The following RBFOX1 variants were observed in gnomAD, a reference collection of about 807,000 sequenced individuals.
RBFOX1 encodes the protein RNA binding protein fox-1 homolog 1.
A neutral mutation model predicts 57.7 loss-of-function variants in RBFOX1; 8 were observed. That is an observed-to-expected ratio of 0.14 (90% CI 0.08 to 0.25). The LOEUF (loss-of-function observed/expected upper bound fraction) is 0.25, where lower values mean the gene tolerates loss of function less well. Among genes scored for constraint, RBFOX1 ranks in the 10% least tolerant of loss-of-function variants. The pLI is 1.00. For synonymous variants in RBFOX1, 326 were observed against 222.4 expected, an observed-to-expected ratio of 1.47 and a Z score of -4.15; for missense variants, 611 against 548.5, an observed-to-expected ratio of 1.11 and a Z score of -1.14.
chr16:7,361,490 C>T (rs1455423121), intron 4 of RBFOX1, among the ~76,000 whole-genome samples: 1 of 152,182 alleles, frequency 6.6e-6, no homozygotes, highest in Non-Finnish European at 1.5e-5. Context: ...TTGACACCCT[C>T]CTAGTCCGTG....
intron 4 of RBFOX1, among the ~76,000 whole-genome samples, chr16:7,059,207 C>G (rs1037626026): frequency 2.6e-5 from 4 of 152,260 alleles, no homozygotes; most frequent in Middle Eastern, 3.4e-3. Flanking sequence ...GTGTCTCACC[C>G]CTCTCCACTT....
chr16:6,408,037 T>A (rs9926223), intron 2 of RBFOX1, among the ~76,000 whole-genome samples: 2 of 151,810 alleles, frequency 1.3e-5, no homozygotes, highest in African/African-American at 4.8e-5. Context: ...GAAGCTTGTT[T>A]ACCCCTCCCA....
intron 14 of RBFOX1, among the ~76,000 whole-genome samples, chr16:7,688,260 T>TGTGAGAGAGAGAGAGA (rs1319185243): frequency 1.6e-5 from 2 of 125,388 alleles, no homozygotes; most frequent in African/African-American, 5.9e-5. Context: ...TGTGTGTGTG[T>TGTGAGAGAGAGAGAGA]GAGAGAGAGA....
chr16:7,061,909 A>G (rs1388926579), intron 4 of RBFOX1, among the ~76,000 whole-genome samples: 1 of 152,122 alleles, frequency 6.6e-6, no homozygotes, highest in Admixed American at 6.5e-5. Context: ...TAAATAGGGC[A>G]TCTCTAGTTC....
At chr16:7,238,043 A>G (rs191881523) in intron 4 of RBFOX1, among the ~76,000 whole-genome samples, 2 of 152,362 alleles carry the variant, frequency 1.3e-5, no homozygotes, top group Middle Eastern at 3.4e-3. Context: ...TACAACATAG[A>G]TGAACCTTGA....
chr16:5,963,104 G>A (rs896525618), intron 4 of RBFOX1, among the ~76,000 whole-genome samples: 4 of 152,184 alleles, frequency 2.6e-5, no homozygotes, highest in African/African-American at 9.7e-5. Context: ...ATGTGTATAA[G>A]ATAAACTGTA....
chr16:7,637,790 C>T lies in RBFOX1; in HGVS notation c.757+7107C>T, dbSNP rs189265827. 2.3e-3 allele frequency among the ~76,000 whole-genome samples: 346 copies of T among 152,086 alleles called. 1 individual carries two copies. The highest frequency in any genetic ancestry group is 7.0e-3 in the African/African-American group (291 of 41,480). On this transcript the variant is annotated intron_variant, in intron 11 of 15. Transcript: ENST00000550418. ...GGGGGTGCTTAACAATAACTAGCTC[C>T]GGGACTAGGGTAAGCAAGTGACGTG...
At chr16:7,378,360 G>C (rs1385410876) in intron 4 of RBFOX1, among the ~76,000 whole-genome samples, 1 of 152,130 alleles carries the variant, frequency 6.6e-6, no homozygotes, top group Non-Finnish European at 1.5e-5. Context: ...GTATGTGTTT[G>C]CTAGCGAGAC....
At chr16:6,099,157 T>C (rs1219093210) in intron 1 of RBFOX1, among the ~76,000 whole-genome samples, 1 of 152,182 alleles carries the variant, frequency 6.6e-6, no homozygotes, top group Non-Finnish European at 1.5e-5. Flanking sequence ...TAGGCAGCAC[T>C]CACCTGGGGG....
At chr16:6,995,464 CAGAAG>C (rs1568281329) in intron 3 of RBFOX1, among the ~76,000 whole-genome samples, 1 of 152,022 alleles carries the variant, frequency 6.6e-6, no homozygotes, top group Non-Finnish European at 1.5e-5. Context: ...CTGGTGGTGA[CAGAAG>C]AGGAAGGCTT....
At chr16:5,600,567 C>T (rs2047334421), downstream of RBFOX1, among the ~76,000 whole-genome samples, 1 of 151,804 alleles carries the variant, frequency 6.6e-6, no homozygotes, top group African/African-American at 2.4e-5. Flanking sequence ...ATGTTCCCTC[C>T]TCTTTATGCA....
chr16:7,126,770 C>G (rs993637539), intron 4 of RBFOX1: 2 of 152,060 alleles, frequency 1.3e-5, no homozygotes, highest in African/African-American at 4.8e-5. Context: ...GGGCAGATCA[C>G]CTGAGGTTGG....
chr16:7,556,792 T>C (rs1462356648), intron 5 of RBFOX1, among the ~76,000 whole-genome samples: 17 of 152,246 alleles, frequency 1.1e-4, no homozygotes, highest in Admixed American at 1.0e-3. Context: ...GTATAACCCA[T>C]GTGCAATGGT....
chr16:7,172,378 C>T (rs1474193353), intron 4 of RBFOX1, among the ~76,000 whole-genome samples: 1 of 152,078 alleles, frequency 6.6e-6, no homozygotes, highest in Admixed American at 6.6e-5. Context: ...GTAAATCTTC[C>T]CACTAGTGTG....
Position 6,981,042 on chromosome 16 carries a change from C to CAAAAAAAAAAAAA in RBFOX1, c.-15-71010_-15-70998dup, listed in dbSNP as rs36117809. 5.4e-4 allele frequency among the ~76,000 whole-genome samples: 42 copies of CAAAAAAAAAAAAA among 77,400 alleles called. 2 individuals are homozygous for CAAAAAAAAAAAAA. Among genetic ancestry groups the CAAAAAAAAAAAAA allele is most frequent in the African/African-American group, 2.8e-3 (36 of 12,662 alleles). 50.8% of individuals were successfully genotyped at this position (77,400 alleles called of 152,430 possible). A position where few individuals can be genotyped will look rare whatever the true frequency, so the allele number is the denominator to read the frequency against. On this transcript the variant is annotated intron_variant, in intron 3 of 15. Transcript: ENST00000550418. ...TGGGTGGCAGAGCAAGTCTCAGTCT[C>CAAAAAAAAAAAAA]AAAAAAAAAAAAAAAAACACTAAAA...
At chr16:6,895,452 A>G (rs866208829) in intron 3 of RBFOX1, among the ~76,000 whole-genome samples, 3,114 of 65,234 alleles carry the variant, frequency 0.048, 41 homozygotes, top group Non-Finnish European at 0.061. Flanking sequence ...GTGTGTGTAT[A>G]TATATATATA....
chr16:6,830,070 C>A (rs780206678), intron 3 of RBFOX1, among the ~76,000 whole-genome samples: 1 of 152,006 alleles, frequency 6.6e-6, no homozygotes, highest in Non-Finnish European at 1.5e-5. Context: ...GCACACACCA[C>A]CAAGCCTGGC....
intron 1 of RBFOX1, among the ~76,000 whole-genome samples, chr16:5,313,737 G>C (rs913228163): frequency 1.3e-5 from 2 of 152,104 alleles, no homozygotes; most frequent in African/African-American, 4.8e-5. Context: ...TCACTATTGC[G>C]AGAACAGCAT....
At chr16:5,663,775 C>G (rs2049739000) in intron 3 of RBFOX1, among the ~76,000 whole-genome samples, 1 of 152,206 alleles carries the variant, frequency 6.6e-6, no homozygotes, top group African/African-American at 2.4e-5. Context: ...TGGGTCACCT[C>G]TTGTCTGTAT....
Sources: allele counts gnomAD v4.1 joint callset (sites outside exome capture counted in the v4.1 genomes callset), GRCh38; gene constraint gnomAD v4.1.1; transcripts MANE v1.5; gene names NCBI Gene and HGNC (gene_info 2026-07-23, HGNC 2026-07-21).